Variants in TPD52L1 observed in about 807,000 individuals in gnomAD.
The protein encoded by TPD52L1 is tumor protein D53.
A neutral mutation model predicts 28.7 loss-of-function variants in TPD52L1; 18 were observed. The ratio of observed to expected loss-of-function variants is 0.63; its 90% CI spans 0.43 to 0.93. The LOEUF (loss-of-function observed/expected upper bound fraction) is 0.93. TPD52L1 is among the 40% of genes least tolerant of loss of function. The pLI, the probability that TPD52L1 is intolerant of heterozygous loss-of-function variation, is 0.00. For missense variants in TPD52L1, 203 were observed against 254.8 expected (o/e 0.80, Z 1.39); for synonymous variants, 75 against 88.8 (o/e 0.84, Z 0.88).
chr6:125,196,459 A>G (rs1793447959), intron 1 of TPD52L1, among the ~76,000 whole-genome samples: 1 of 152,254 alleles, frequency 6.6e-6, no homozygotes, highest in Non-Finnish European at 1.5e-5. Context: ...AAAAGTCTAA[A>G]TAATTATTGT....
At chr6:125,176,724 A>G (rs1173827009) in intron 1 of TPD52L1, among the ~76,000 whole-genome samples, 1 of 152,176 alleles carries the variant, frequency 6.6e-6, no homozygotes, top group African/African-American at 2.4e-5. Context: ...CTGTGTGAAT[A>G]CTATCATATA....
At chr6:125,226,347 A>G (rs1008719208) in intron 2 of TPD52L1, among the ~76,000 whole-genome samples, 2 of 152,012 alleles carry the variant, frequency 1.3e-5, no homozygotes, top group Non-Finnish European at 2.9e-5. Context: ...GGGACTTTAT[A>G]TTTCTTTTTT....
chr6:125,262,756 G>A, intron 6 of TPD52L1, 78 bp from the exon 7 acceptor site: 1 of 1,510,988 alleles, frequency 6.6e-7, no homozygotes. Context: ...AAGTAATCCA[G>A]CTTTTGGTAT....
chr6:125,252,102 C>A (rs1041452783), intron 4 of TPD52L1: 58 of 1,516,448 alleles, frequency 3.8e-5, no homozygotes, highest in Non-Finnish European at 5.1e-5. Context: ...CTTTCCAGGG[C>A]TCCCTGTTTC....
intron 2 of TPD52L1, among the ~76,000 whole-genome samples, chr6:125,228,370 G>T (rs1296282530): frequency 1.3e-5 from 2 of 152,174 alleles, no homozygotes; most frequent in Non-Finnish European, 1.5e-5. Context: ...GCAGCTTATT[G>T]TATGACAGTT....
chr6:125,153,919 G>A lies in TPD52L1; in HGVS notation c.-33G>A, dbSNP rs369852890. 1.9e-6 allele frequency: 3 copies of A among 1,596,440 alleles called. No individual in the cohort carries two copies. The African/African-American group carries it at 4.0e-5, about 21-fold the overall frequency. ...CATCTGCTCTGGGAAGCACCAGGGT[G>A]TCCCCGCCGCCCTCAGCTCGAAGTC... On this transcript the variant is annotated 5_prime_UTR_variant, in exon 1 of 7. Transcript: ENST00000534000.
chr6:125,174,070 G>A (rs1429606224), intron 1 of TPD52L1, among the ~76,000 whole-genome samples: 1 of 152,200 alleles, frequency 6.6e-6, no homozygotes, highest in African/African-American at 2.4e-5. Context: ...ACAAAATGGT[G>A]GAAATGGGGG....
chr6:125,169,019 C>G (rs1791102618), intron 1 of TPD52L1, among the ~76,000 whole-genome samples: 1 of 152,152 alleles, frequency 6.6e-6, no homozygotes, highest in African/African-American at 2.4e-5. Flanking sequence ...CCCTTCCTCT[C>G]TCTACCCCTG....
intron 3 of TPD52L1, among the ~76,000 whole-genome samples, chr6:125,240,013 G>C (rs1265784804): frequency 6.6e-6 from 1 of 152,154 alleles, no homozygotes; most frequent in Non-Finnish European, 1.5e-5. Context: ...TAAAGTGAGA[G>C]ATGAGGATCC....
chr6:125,212,172 G>A (rs1794566875), intron 1 of TPD52L1, among the ~76,000 whole-genome samples: 1 of 152,058 alleles, frequency 6.6e-6, no homozygotes, highest in Non-Finnish European at 1.5e-5. Context: ...AAATATTACA[G>A]TCTTAAATCT....
intron 1 of TPD52L1, among the ~76,000 whole-genome samples, chr6:125,173,050 C>T (rs537512171): frequency 6.6e-6 from 1 of 152,120 alleles, no homozygotes; most frequent in Non-Finnish European, 1.5e-5. Flanking sequence ...GCTGTTTTTA[C>T]AAGACCAATT....
At chr6:125,194,417 T>A (rs957265233) in intron 1 of TPD52L1, among the ~76,000 whole-genome samples, 3 of 152,184 alleles carry the variant, frequency 2.0e-5, no homozygotes, top group African/African-American at 7.2e-5. Context: ...TCTTATCCCA[T>A]CATTCTTCTG....
chr6:125,216,558 T>C (rs959696258), intron 1 of TPD52L1, among the ~76,000 whole-genome samples: 5 of 133,650 alleles, frequency 3.7e-5, no homozygotes, highest in African/African-American at 1.3e-4. Flanking sequence ...TATATATATA[T>C]ATATATATAT....
At chr6:125,193,882 C>G (rs1793226455) in intron 1 of TPD52L1, among the ~76,000 whole-genome samples, 1 of 152,028 alleles carries the variant, frequency 6.6e-6, no homozygotes, top group Admixed American at 6.6e-5. Flanking sequence ...GAAGCCCTGG[C>G]CCGGGGCTTC....
chr6:125,185,272 G>A (rs931774493), intron 1 of TPD52L1, among the ~76,000 whole-genome samples: 1 of 152,102 alleles, frequency 6.6e-6, no homozygotes, highest in African/African-American at 2.4e-5. Flanking sequence ...AGGCTTTGAT[G>A]ATCCAATTTA....
rs1187433516 is a variant in TPD52L1 at position 125,253,715 on chromosome 6, A to T, written c.387-2A>T. 1.2e-6 allele frequency: 2 copies of T among 1,613,154 alleles called. No individual in the cohort carries two copies. The highest frequency in any genetic ancestry group is 1.7e-6 in the Non-Finnish European group (2 of 1,179,660). ...CCCCTTTAATCTGCTTTTGCTCTGA[A>T]GTTACTCCATTCGCCATTCCATAAG... On this transcript the variant is annotated splice_acceptor_variant, in intron 4 of 6. Transcript: ENST00000534000. LOFTEE classifies it high-confidence loss of function.
intron 2 of TPD52L1, among the ~76,000 whole-genome samples, chr6:125,226,502 C>A (rs1021227718): frequency 6.6e-6 from 1 of 152,142 alleles, no homozygotes; most frequent in East Asian, 1.9e-4. Flanking sequence ...CACAGCCCCT[C>A]GTGGTTTTTA....
chr6:125,261,496 A>T (rs1173427118), intron 6 of TPD52L1: 1 of 152,084 alleles, frequency 6.6e-6, no homozygotes, highest in Non-Finnish European at 1.5e-5. Flanking sequence ...CTACATTATG[A>T]AAAACAATGG....
chr6:125,160,231 G>A (rs867293465), intron 1 of TPD52L1, among the ~76,000 whole-genome samples: 1 of 152,082 alleles, frequency 6.6e-6, no homozygotes, highest in African/African-American at 2.4e-5. Context: ...TTTTTTCTGA[G>A]CAGTAGTTCT....
Sources: gnomAD v4.1 joint callset for allele counts (sites outside exome capture counted in the v4.1 genomes callset) on GRCh38, gnomAD v4.1.1 for gene constraint, MANE v1.5 for transcripts, NCBI Gene and HGNC (gene_info 2026-07-23, HGNC 2026-07-21) for gene names.